MSRA: variants seen among roughly 807,000 people sequenced by gnomAD.
The protein encoded by MSRA is methionine sulfoxide reductase A.
MSRA carries 54 observed loss-of-function variants against 31.3 expected under a neutral mutation model. That is an observed-to-expected ratio of 1.73 (90% CI 1.39 to 2.17). MSRA has a LOEUF of 2.17. MSRA is among the 30% of genes most tolerant of loss of function. MSRA has a pLI of 0.00. For synonymous variants in MSRA, 169 were observed against 116.5 expected (o/e 1.45, Z -2.90); for missense variants, 507 against 300.9 (o/e 1.69, Z -5.07).
chr8:10,308,151 G>C (rs1383781154), intron 4 of MSRA, among the ~76,000 whole-genome samples: 1 of 152,156 alleles, frequency 6.6e-6, no homozygotes, highest in Non-Finnish European at 1.5e-5. Context: ...AAGAACTCTT[G>C]TTTAAAGTAC....
At chr8:10,391,601 A>G (rs112037054) in intron 5 of MSRA, among the ~76,000 whole-genome samples, 2,608 of 152,358 alleles carry the variant, frequency 0.017, 36 homozygotes, top group Non-Finnish European at 0.024. Flanking sequence ...CAGTCAGGTG[A>G]CAAGATGAGG....
intron 1 of MSRA, chr8:10,095,467 C>A (rs1475887413): frequency 8.1e-6 from 8 of 985,272 alleles, no homozygotes; most frequent in African/African-American, 1.7e-5. Context: ...CAAAGGACAT[C>A]TTTTGGAGAC....
intron 1 of MSRA, among the ~76,000 whole-genome samples, chr8:10,103,346 T>C (rs1290069344): frequency 2.0e-5 from 3 of 152,194 alleles, no homozygotes; most frequent in Non-Finnish European, 4.4e-5. Context: ...TTAAAGATGA[T>C]GCATGTAACT....
chr8:10,272,350 A>G (rs908473693), intron 3 of MSRA, among the ~76,000 whole-genome samples: 1 of 152,204 alleles, frequency 6.6e-6, no homozygotes, highest in African/African-American at 2.4e-5. Context: ...GCATAGTTCC[A>G]GTCCAAATGC....
chr8:10,191,726 G>A (rs1414567347), intron 1 of MSRA, among the ~76,000 whole-genome samples: 1 of 151,430 alleles, frequency 6.6e-6, no homozygotes, highest in Non-Finnish European at 1.5e-5. Context: ...GAAATATATT[G>A]TTCCTGTGGA....
chr8:10,117,459 C>T (rs77043422), intron 1 of MSRA, among the ~76,000 whole-genome samples: 5,337 of 152,250 alleles, frequency 0.035, 138 homozygotes, highest in Middle Eastern at 0.058. Context: ...GGTCTTGTCC[C>T]CATGGAAGTG....
At chr8:10,133,584 G>A (rs1274217554) in intron 1 of MSRA, among the ~76,000 whole-genome samples, 1 of 152,218 alleles carries the variant, frequency 6.6e-6, no homozygotes, top group East Asian at 1.9e-4. Context: ...CTTCCAGTGT[G>A]AACCTGTCCA....
At chr8:10,267,685 C>T (rs2952184) in intron 3 of MSRA, among the ~76,000 whole-genome samples, 126,126 of 151,984 alleles carry the variant, frequency 0.83, 52,586 homozygotes, top group East Asian at 0.96. Context: ...GACAGTCCCC[C>T]ACACCTGCTG....
chr8:10,393,207 A>C (rs1344592948), intron 5 of MSRA, among the ~76,000 whole-genome samples: 37 of 151,946 alleles, frequency 2.4e-4, no homozygotes, highest in Admixed American at 2.4e-3. Context: ...CCGTGTTTCT[A>C]TTCAGTGTAA....
chr8:10,169,828 T>G (rs1805444202), intron 1 of MSRA, among the ~76,000 whole-genome samples: 1 of 152,036 alleles, frequency 6.6e-6, no homozygotes, highest in South Asian at 2.1e-4. Context: ...TAATAAGTTT[T>G]GTATGTTGAC....
chr8:10,397,515 T>C (rs916087756), intron 5 of MSRA, among the ~76,000 whole-genome samples: 1 of 151,974 alleles, frequency 6.6e-6, no homozygotes, highest in South Asian at 2.1e-4. Context: ...TCTTTGGGAG[T>C]GTTCACTGGT....
intron 1 of MSRA, among the ~76,000 whole-genome samples, chr8:10,149,403 C>T (rs1009093598): frequency 2.0e-5 from 3 of 152,180 alleles, no homozygotes; most frequent in African/African-American, 7.2e-5. Flanking sequence ...GGGTTACAGG[C>T]GTGAGCCACC....
At position 10,229,606 on chromosome 8, in the gene MSRA, A is replaced by G. The variant is rs569418119; in HGVS notation, c.212-15498A>G. Among the ~76,000 whole-genome samples, 12 of 152,276 alleles carry G rather than the reference A, an allele frequency of 7.9e-5. No homozygotes were observed. In the South Asian group the frequency reaches 2.5e-3, roughly 32 times the overall value. On this transcript the variant is annotated intron_variant, in intron 2 of 5. Coordinates refer to ENST00000317173, the MANE Select transcript of MSRA (RefSeq NM_012331.5). ...CAGAGGTGGTGCAGGCAGGGAGCCTAAGAGAACAGAGTGGACACGAACGCT... is the reference window on the plus strand; with the variant it reads ...CAGAGGTGGTGCAGGCAGGGAGCCTGAGAGAACAGAGTGGACACGAACGCT...
intron 1 of MSRA, among the ~76,000 whole-genome samples, chr8:10,173,236 C>T (rs1434830921): frequency 6.6e-6 from 1 of 152,232 alleles, no homozygotes; most frequent in East Asian, 1.9e-4. Flanking sequence ...GCCAGGGCCC[C>T]TCTGAGCCGA....
chr8:10,299,167 T>A (rs1417643635), intron 3 of MSRA, among the ~76,000 whole-genome samples: 1 of 152,256 alleles, frequency 6.6e-6, no homozygotes, highest in East Asian at 1.9e-4. Context: ...TTTGCATGTC[T>A]CAATTTACAT....
chr8:10,175,028 G>A (rs1372320943), intron 1 of MSRA, among the ~76,000 whole-genome samples: 3 of 151,974 alleles, frequency 2.0e-5, no homozygotes, highest in East Asian at 1.9e-4. Context: ...TGACTCATCC[G>A]TCCCTTGTGA....
chr8:10,292,121 A>C lies in MSRA; in HGVS notation c.332-9413A>C, dbSNP rs978602211. ...TCTGCATAGTAGCCACATCCACTTT[A>C]GGATTTGTAGTGAGGTTTCCGTAGA... On this transcript the variant is annotated intron_variant, in intron 3 of 5. Coordinates refer to ENST00000317173, the MANE Select transcript of MSRA (RefSeq NM_012331.5). 2.0e-5 allele frequency among the ~76,000 whole-genome samples: 3 copies of C among 152,190 alleles called. No homozygotes were observed. In the East Asian group the frequency reaches 5.8e-4, roughly 29 times the overall value.
intron 5 of MSRA, among the ~76,000 whole-genome samples, chr8:10,354,221 G>A (rs1804370224): frequency 6.6e-6 from 1 of 152,210 alleles, no homozygotes; most frequent in Non-Finnish European, 1.5e-5. Flanking sequence ...TGTCCAGTAT[G>A]TAGACAAGTT....
chr8:10,175,380 C>A (rs1204328139), intron 1 of MSRA, among the ~76,000 whole-genome samples: 1 of 152,242 alleles, frequency 6.6e-6, no homozygotes, highest in Non-Finnish European at 1.5e-5. Context: ...CCTGTTGGAA[C>A]ATACGCTGTT....
Sources: allele counts gnomAD v4.1 joint callset (sites outside exome capture counted in the v4.1 genomes callset), GRCh38; gene constraint gnomAD v4.1.1; transcripts MANE v1.5; gene names NCBI Gene and HGNC (gene_info 2026-07-23, HGNC 2026-07-21).